Variants in PLAT observed in about 807,000 individuals in gnomAD.
PLAT encodes the protein plasminogen activator, tissue type.
In PLAT, 48 loss-of-function variants were observed where a neutral mutation model predicts 74.9. That is an observed-to-expected ratio of 0.64 (90% CI 0.51 to 0.82). The LOEUF is 0.82. Among genes scored for constraint, PLAT ranks in the 40% least tolerant of loss-of-function variants. The pLI is 0.00. For missense variants in PLAT, 673 were observed against 736.2 expected, an observed-to-expected ratio of 0.91 and a Z score of 0.99; for synonymous variants, 307 against 294.4, an observed-to-expected ratio of 1.04 and a Z score of -0.44.
At chr8:42,206,914 G>A (rs34760271) in intron 1 of PLAT, among the ~76,000 whole-genome samples, 33 of 152,172 alleles carry the variant, frequency 2.2e-4, no homozygotes, top group African/African-American at 7.7e-4. Context: ...GTGGCACCTA[G>A]GGAGATCAGA....
chr8:42,182,720 G>T lies in PLAT; in HGVS notation c.802C>A (p.Arg268=). Residue 268 remains arginine, a splice_region_variant and synonymous_variant, in exon 8 of 14, where the codon CGG becomes AGG. Coordinates refer to ENST00000220809, the MANE Select transcript of PLAT (RefSeq NM_000930.5). ...ACCCCCCACCCCTGTGCTACCTACC[G>T]GCAGTAATTATGTTTGCCCAGGCCC... ...ALGLGKHNYC[R]NPDGDAKPWC... The T allele has an allele frequency of 1.2e-6, 2 of 1,601,714 alleles. No homozygotes were observed. The highest frequency in any genetic ancestry group is 1.7e-6 in the Non-Finnish European group (2 of 1,174,232).
intron 1 of PLAT, among the ~76,000 whole-genome samples, chr8:42,203,859 G>A (rs1430314648): frequency 6.6e-6 from 1 of 151,730 alleles, no homozygotes; most frequent in Non-Finnish European, 1.5e-5. Context: ...CTAGCTACTT[G>A]GGAGGCTGAG....
intron 1 of PLAT, among the ~76,000 whole-genome samples, chr8:42,197,798 G>C (rs959377568): frequency 3.9e-5 from 6 of 152,170 alleles, no homozygotes; most frequent in African/African-American, 1.2e-4. Flanking sequence ...GTTCGCATAA[G>C]GTAAAAATGA....
At chr8:42,176,971 G>GT (rs8178797) in intron 13 of PLAT, among the ~76,000 whole-genome samples, 6,278 of 150,094 alleles carry the variant, frequency 0.042, 208 homozygotes, top group Non-Finnish European at 0.056. Context: ...TTCTTTTTTT[G>GT]TTTTTTTTTG....
intron 1 of PLAT, among the ~76,000 whole-genome samples, chr8:42,194,237 AGAGAGTGTGTGT>A (rs1480809080): frequency 0.012 from 741 of 60,488 alleles, 5 homozygotes; most frequent in African/African-American, 0.032. Context: ...AGAGAGAGAG[AGAGAGTGTGTGT>A]GTGTGTGTGT....
chr8:42,195,493 T>A lies in PLAT; in HGVS notation c.-26-2282A>T, dbSNP rs573260488. On this transcript the variant is annotated intron_variant, in intron 1 of 13. Transcript: ENST00000220809. ...CTTTGAGCCCGCAGTGCCCAAGGTC[T>A]CCCTGGAGTGCGCTCTTTGGGTGTC... 2.4e-4 allele frequency among the ~76,000 whole-genome samples: 36 copies of A among 152,306 alleles called. No homozygotes were observed. The South Asian group carries it at 5.6e-3, about 24-fold the overall frequency.
In PLAT at chr8:42,182,911, A is replaced by G. The variant is rs532634474; in HGVS notation, c.632-21T>C. The G allele has an allele frequency of 5.6e-6, 9 of 1,594,462 alleles. No individual in the cohort carries two copies. The African/African-American group carries it at 6.7e-5, about 12-fold the overall frequency. On this transcript the variant is annotated intron_variant, in intron 7 of 13. Transcript: ENST00000220809. ...GTTTCCTAGAAGAAAAGAATTCTCA[A>G]ACTGAAACAAAAACAAATTCTGAAG...
At chr8:42,192,740 T>C (rs953247221) in intron 2 of PLAT, among the ~76,000 whole-genome samples, 1 of 152,166 alleles carries the variant, frequency 6.6e-6, no homozygotes, top group Non-Finnish European at 1.5e-5. Flanking sequence ...GATTTTGGTA[T>C]CCTTGGGGGT....
At position 42,195,019 on chromosome 8, in the gene PLAT, C is replaced by T. The variant is rs540389043; in HGVS notation, c.-26-1808G>A. 5.1e-4 allele frequency among the ~76,000 whole-genome samples: 77 copies of T among 152,252 alleles called. No homozygotes were observed. The South Asian group carries it at 6.4e-3, about 13-fold the overall frequency. On this transcript the variant is annotated intron_variant, in intron 1 of 13. Coordinates refer to ENST00000220809, the MANE Select transcript of PLAT (RefSeq NM_000930.5). The stretch of plus-strand genomic sequence containing the variant: ...GGCCGGGTGTTATTTTGTGGTCTGG[C>T]GGCCTGTTCCCTCCTTCATCCACAA...
intron 4 of PLAT, 145 bp downstream of exon 4, chr8:42,188,789 A>C: frequency 1.5e-6 from 1 of 687,140 alleles, no homozygotes; most frequent in Non-Finnish European, 2.5e-6. Flanking sequence ...GGTCTGGCTA[A>C]TTTTTTTATT....
In PLAT at chr8:42,175,755, G is replaced by A. The variant is rs1804943900; in HGVS notation, c.*238C>T. The A allele has an allele frequency of 2.1e-6, 1 of 471,086 alleles. No homozygotes were observed. The allele number at this position is 471,086 out of a possible 1,614,324, so 29.2% of individuals were successfully genotyped here. ...GGAGGAGGCATTCCTGGAGAGGCTA[G>A]TGTGCATTCATGTCTTCCCATCTGA... On this transcript the variant is annotated 3_prime_UTR_variant, in exon 14 of 14. Coordinates refer to ENST00000220809, the MANE Select transcript of PLAT (RefSeq NM_000930.5).
intron 2 of PLAT, 86 bp downstream of exon 2, chr8:42,193,028 C>T (rs1216821994): frequency 1.1e-6 from 1 of 917,724 alleles, no homozygotes; most frequent in African/African-American, 1.6e-5. Context: ...ATTCCAACCT[C>T]CGTGGCCCAG....
At chr8:42,204,224 T>C (rs920933865) in intron 1 of PLAT, among the ~76,000 whole-genome samples, 17 of 151,976 alleles carry the variant, frequency 1.1e-4, no homozygotes, top group African/African-American at 3.9e-4. Flanking sequence ...ACCCACCATA[T>C]GGTTTTGTGA....
At chr8:42,177,502 C>T (rs1399999384) in intron 13 of PLAT, among the ~76,000 whole-genome samples, 1 of 152,194 alleles carries the variant, frequency 6.6e-6, no homozygotes, top group Non-Finnish European at 1.5e-5. Context: ...GGCTCCATCA[C>T]TTACTAGCTG....
intron 13 of PLAT, among the ~76,000 whole-genome samples, chr8:42,178,264 C>CTTTTTTTTTTTTT (rs5891180): frequency 9.1e-6 from 1 of 110,046 alleles, no homozygotes; most frequent in Non-Finnish European, 1.8e-5. Context: ...ACATTTCTTT[C>CTTTTTTTTTTTTT]TTTTTTTTTT....
intron 1 of PLAT, among the ~76,000 whole-genome samples, chr8:42,203,992 T>TATATATACAC (rs1554499838): frequency 4.6e-5 from 5 of 109,866 alleles, no homozygotes; most frequent in East Asian, 5.0e-4. Context: ...TATATATATA[T>TATATATACAC]ACACACACAC....
At chr8:42,180,809 G>A (rs775532372) in intron 9 of PLAT, 124 bp from the exon 10 acceptor site, 21 of 674,974 alleles carry the variant, frequency 3.1e-5, no homozygotes, top group Middle Eastern at 3.9e-4. Context: ...TCAGCATGCC[G>A]AATGTTGTCC....
At chr8:42,195,276 C>A (rs1037630125) in intron 1 of PLAT, among the ~76,000 whole-genome samples, 1 of 152,170 alleles carries the variant, frequency 6.6e-6, no homozygotes, top group African/African-American at 2.4e-5. Flanking sequence ...CATTTCATGC[C>A]TGACAGATTC....
intron 1 of PLAT, among the ~76,000 whole-genome samples, chr8:42,203,996 C>T (rs557085599): frequency 0.024 from 2,669 of 112,294 alleles, 46 homozygotes; most frequent in African/African-American, 0.05. Context: ...TATATATACA[C>T]ACACACACAC....
Sources: gnomAD v4.1 joint callset for allele counts (sites outside exome capture counted in the v4.1 genomes callset) on GRCh38, gnomAD v4.1.1 for gene constraint, MANE v1.5 for transcripts, NCBI Gene and HGNC (gene_info 2026-07-23, HGNC 2026-07-21) for gene names.